The following PDS5B variants were observed in gnomAD, a reference collection of about 807,000 sequenced individuals.
PDS5B encodes sister chromatid cohesion protein PDS5 homolog B.
PDS5B carries 51 observed loss-of-function variants against 184.1 expected under a neutral mutation model. That is an observed-to-expected ratio of 0.28 (90% CI 0.22 to 0.35). PDS5B has a LOEUF of 0.35. Among genes scored for constraint, PDS5B ranks in the 10% least tolerant of loss-of-function variants. The pLI is 1.00. For synonymous variants in PDS5B, 566 were observed against 569.2 expected, an observed-to-expected ratio of 0.99 and a Z score of 0.08; for missense variants, 1,180 against 1,723.3, an observed-to-expected ratio of 0.68 and a Z score of 5.58.
chr13:32,619,427 A>G (rs749151552), intron 1 of PDS5B, among the ~76,000 whole-genome samples: 1 of 152,224 alleles, frequency 6.6e-6, no homozygotes, highest in Non-Finnish European at 1.5e-5. Context: ...GCATATCTAA[A>G]CATACAAAAG....
chr13:32,613,975 G>A (rs983941819), intron 1 of PDS5B, among the ~76,000 whole-genome samples: 4 of 152,130 alleles, frequency 2.6e-5, no homozygotes, highest in East Asian at 1.9e-4. Context: ...TTCTGTCACC[G>A]TTTGTTGAAA....
chr13:32,750,166 G>T (rs1953920817), intron 24 of PDS5B, among the ~76,000 whole-genome samples: 1 of 152,100 alleles, frequency 6.6e-6, no homozygotes, highest in Non-Finnish European at 1.5e-5. Flanking sequence ...TGATTTCACA[G>T]TTCTCTAACA....
intron 15 of PDS5B, among the ~76,000 whole-genome samples, chr13:32,697,851 C>T (rs1397809187): frequency 1.3e-5 from 2 of 152,068 alleles, no homozygotes; most frequent in African/African-American, 4.8e-5. Context: ...GTTGGGATTC[C>T]ATGCATGTAT....
chr13:32,702,130 T>C (rs142145456), intron 17 of PDS5B, among the ~76,000 whole-genome samples: 3,057 of 152,222 alleles, frequency 0.02, 44 homozygotes, highest in Non-Finnish European at 0.026. Flanking sequence ...TTGAGGGGTA[T>C]ATATTATAAT....
rs894250045 is a variant in PDS5B, at chr13:32,611,546, T to G, written c.-20+24953T>G. Among the ~76,000 whole-genome samples the G allele has an allele frequency of 4.7e-5, 7 of 149,478 alleles. No homozygotes were observed. The East Asian group carries it at 1.2e-3, about 25-fold the overall frequency. On this transcript the variant is annotated intron_variant, in intron 1 of 34. Transcript: ENST00000315596. Reference sequence around the variant, plus strand: ...TTTTGGAGACCAGGTCTTGTTCTGTTGCCCAGACTGGAGTCCAGTGGCATG... The same window carrying G: ...TTTTGGAGACCAGGTCTTGTTCTGTGGCCCAGACTGGAGTCCAGTGGCATG...
intron 19 of PDS5B, among the ~76,000 whole-genome samples, chr13:32,718,537 A>G (rs1952561618): frequency 6.6e-6 from 1 of 152,224 alleles, no homozygotes; most frequent in African/African-American, 2.4e-5. Flanking sequence ...ACCAATAGGC[A>G]GCATCATGTA....
intron 19 of PDS5B, among the ~76,000 whole-genome samples, chr13:32,714,080 G>T (rs1270334998): frequency 6.6e-6 from 1 of 152,182 alleles, no homozygotes; most frequent in Non-Finnish European, 1.5e-5. Flanking sequence ...TTTTATTAGA[G>T]ATTTTCAAAA....
intron 9 of PDS5B, 51 bp downstream of exon 9, chr13:32,676,010 G>GT (rs1468907824): frequency 3.1e-6 from 3 of 976,472 alleles, no homozygotes; most frequent in East Asian, 2.4e-5. Context: ...TCTACTGACC[G>GT]TTTTTTTAAG....
Position 32,659,224 on chromosome 13 carries a change from A to G in PDS5B, c.568A>G (p.Thr190Ala). The G allele has an allele frequency of 6.2e-7, 1 of 1,601,242 alleles. No individual in the cohort carries two copies. Among genetic ancestry groups the G allele is most frequent in the Non-Finnish European group, 8.5e-7 (1 of 1,171,656 alleles). ...LMSSIICEGD[T>A]VSQELLDTVL... is the part of the protein sequence containing the mutation. The stretch of plus-strand genomic sequence containing the variant: ...GAGCTCTATTATTTGTGAAGGTGAT[A>G]CAGTGTCTCAGGAGCTTTTGGATAC... Residue 190 changes from threonine (T) to alanine (A), a missense_variant, in exon 6 of 35, where the codon ACA becomes GCA. By Grantham distance (58) the Thr-to-Ala change is moderately conservative. Coordinates refer to ENST00000315596, the MANE Select transcript of PDS5B (RefSeq NM_015032.4).
intron 24 of PDS5B, among the ~76,000 whole-genome samples, chr13:32,750,714 G>A (rs2140992653): frequency 6.6e-6 from 1 of 152,172 alleles, no homozygotes; most frequent in South Asian, 2.1e-4. Flanking sequence ...GCTAATTATT[G>A]TATTTTCAGT....
intron 1 of PDS5B, among the ~76,000 whole-genome samples, chr13:32,631,936 A>G (rs1403313769): frequency 6.6e-6 from 1 of 152,222 alleles, no homozygotes; most frequent in Non-Finnish European, 1.5e-5. Flanking sequence ...TAGAGGAGGA[A>G]CCAGGATATT....
rs906113848 is a variant in PDS5B at position 32,710,997 on chromosome 13, C to CT, written c.2123+902dup. ...GGCATTATTATTATTTTCTTTTTTT[C>CT]TTTTTTTTTTTGAGATGGAGCCTCA... On this transcript the variant is annotated intron_variant, in intron 19 of 34. Coordinates refer to ENST00000315596, the MANE Select transcript of PDS5B (RefSeq NM_015032.4). Among the ~76,000 whole-genome samples the CT allele has an allele frequency of 8.7e-4, 127 of 146,782 alleles. 1 individual carries two copies. The highest frequency in any genetic ancestry group is 3.5e-3 in the Middle Eastern group (1 of 288).
intron 13 of PDS5B, among the ~76,000 whole-genome samples, chr13:32,693,769 C>G (rs1194948455): frequency 1.3e-5 from 2 of 151,232 alleles, no homozygotes; most frequent in Non-Finnish European, 3.0e-5. Context: ...TGCCTGAGAA[C>G]AATACAACTA....
intron 31 of PDS5B, among the ~76,000 whole-genome samples, chr13:32,765,646 C>G: frequency 6.6e-6 from 1 of 152,196 alleles, no homozygotes; most frequent in East Asian, 1.9e-4. Flanking sequence ...CTTTGTCGCC[C>G]AGGCTGGAGT....
intron 13 of PDS5B, 79 bp downstream of exon 13, chr13:32,688,648 C>T (rs763668916): frequency 9.4e-6 from 8 of 849,852 alleles, no homozygotes; most frequent in Admixed American, 1.8e-5. Context: ...CTACAAACAC[C>T]TGTATTTTAA....
intron 19 of PDS5B, among the ~76,000 whole-genome samples, chr13:32,721,425 G>T (rs1273739839): frequency 1.3e-5 from 2 of 151,988 alleles, no homozygotes; most frequent in Non-Finnish European, 2.9e-5. Flanking sequence ...CTGCCGGGCG[G>T]AGGGGCTCCT....
At chr13:32,717,138 T>G (rs1485920928) in intron 19 of PDS5B, among the ~76,000 whole-genome samples, 1 of 152,208 alleles carries the variant, frequency 6.6e-6, no homozygotes, top group East Asian at 1.9e-4. Context: ...CGGCCGCCCC[T>G]ACTGGGAAGT....
At chr13:32,717,068 G>A in intron 19 of PDS5B, among the ~76,000 whole-genome samples, 1 of 145,590 alleles carries the variant, frequency 6.9e-6, no homozygotes, top group Middle Eastern at 3.7e-3. Flanking sequence ...GAGGGAGGTG[G>A]GGGGGTCAGC....
chr13:32,734,146 GC>G (rs1953233102), intron 20 of PDS5B, among the ~76,000 whole-genome samples: 1 of 151,756 alleles, frequency 6.6e-6, no homozygotes, highest in Non-Finnish European at 1.5e-5. Context: ...TCCTGGCTTA[GC>G]CTCCTGAGTA....
Sources: gnomAD v4.1 joint callset for allele counts (sites outside exome capture counted in the v4.1 genomes callset) on GRCh38, gnomAD v4.1.1 for gene constraint, MANE v1.5 for transcripts, NCBI Gene and HGNC (gene_info 2026-07-23, HGNC 2026-07-21) for gene names.